The following PHLDB1 variants were observed in gnomAD, a reference collection of about 807,000 sequenced individuals.
The protein encoded by PHLDB1 is pleckstrin homology-like domain family B member 1.
PHLDB1 carries 65 observed loss-of-function variants against 139.3 expected under a neutral mutation model. That is an observed-to-expected ratio of 0.47 (90% confidence interval 0.38 to 0.57). The LOEUF is 0.57. PHLDB1 is among the 20% of genes least tolerant of loss of function. The probability of loss-of-function intolerance (pLI) is 0.00; values close to 1 mark genes in which losing one functional copy is unlikely to be tolerated. For missense variants in PHLDB1, 1,624 were observed against 1,839.7 expected (o/e 0.88, Z 2.14); for synonymous variants, 679 against 734.5 (o/e 0.92, Z 1.22).
intron 20 of PHLDB1, chr11:118,654,910 G>A (rs1312840338): frequency 6.6e-6 from 1 of 151,906 alleles, no homozygotes; most frequent in African/African-American, 2.4e-5. Flanking sequence ...TAGAGACGGG[G>A]TTTCACCATG....
chr11:118,645,347 C>G lies in PHLDB1; in HGVS notation c.3122-9C>G, dbSNP rs1271954224. ...AGCCCACTGTGACTCCCATCTGTCT[C>G]TCCTTCAGGACAACAAGTGATTGAA... On this transcript the variant is annotated splice_polypyrimidine_tract_variant and intron_variant, in intron 15 of 22. Coordinates refer to ENST00000600882, the MANE Select transcript of PHLDB1 (RefSeq NM_001144758.3). The surrounding 1 kb of genome is among the most constrained non-coding windows in gnomAD (Gnocchi z 5.1). 2 of 1,510,622 alleles carry G rather than the reference C, an allele frequency of 1.3e-6. No homozygotes were observed. Among genetic ancestry groups the G allele is most frequent in the African/African-American group, 2.8e-5 (2 of 71,610 alleles). The allele number at this position is 1,510,622 out of a possible 1,614,324, so 93.6% of individuals were successfully genotyped here.
intron 4 of PHLDB1, among the ~76,000 whole-genome samples, chr11:118,618,483 C>T (rs969002213): frequency 2.0e-5 from 3 of 152,036 alleles, no homozygotes; most frequent in Non-Finnish European, 4.4e-5. Context: ...TCTGTGTAAC[C>T]GGAGTGTGTT....
rs1944882463 is a variant in PHLDB1 at position 118,631,932 on chromosome 11, C to G, written c.2120C>G (p.Thr707Ser). The change falls in exon 8 of 23, where the codon ACC (threonine) becomes AGC (serine). Residue 707 changes from threonine to serine, a missense_variant. By Grantham distance (58) the Thr-to-Ser change is moderately conservative. Coordinates refer to ENST00000600882, the MANE Select transcript of PHLDB1 (RefSeq NM_001144758.3). ...CTCCAGCACGAAGATGCACCTAGCA[C>G]CAAGCTCCAGGGAGAGGTGCTAGCC... ...TQQEHEDAPSTKLQGEVLALE... is the reference protein window; with the variant it reads ...TQQEHEDAPSSKLQGEVLALE... 9.9e-6 allele frequency: 16 copies of G among 1,613,360 alleles called. No individual in the cohort carries two copies. Among genetic ancestry groups the G allele is most frequent in the Non-Finnish European group, 1.4e-5 (16 of 1,179,676 alleles).
At chr11:118,630,430 C>G (rs1555108938) in intron 6 of PHLDB1, among the ~76,000 whole-genome samples, 1 of 152,224 alleles carries the variant, frequency 6.6e-6, no homozygotes, top group Non-Finnish European at 1.5e-5. Context: ...TGCTGATAAA[C>G]AGCCAAGGGC....
rs961908209 is a variant in PHLDB1, at chr11:118,627,326, A to G, written c.503A>G (p.Asn168Ser). ...PVPAESESLVNGNHTPQTATR... is the reference protein window; with the variant it reads ...PVPAESESLVSGNHTPQTATR... The stretch of plus-strand genomic sequence containing the variant: ...CCAGCAGAATCAGAAAGTCTGGTAA[A>G]TGGGAACCACACCCCACAGACTGCA... The change falls in exon 6 of 23, where the codon AAT becomes AGT. Residue 168 changes from asparagine to serine, a missense_variant. Transcript: ENST00000600882. 1.9e-6 allele frequency: 3 copies of G among 1,613,592 alleles called. No homozygotes were observed. The African/African-American group carries it at 4.0e-5, about 22-fold the overall frequency.
At chr11:118,639,052 G>A in intron 11 of PHLDB1, 51 bp downstream of exon 11, 1 of 1,565,370 alleles carries the variant, frequency 6.4e-7, no homozygotes, top group South Asian at 1.1e-5. Flanking sequence ...TAAGTGGGAG[G>A]GGAGTGCAGA....
At position 118,632,991 on chromosome 11, in the gene PHLDB1, C is replaced by CTTTT; in HGVS notation, c.2379+707_2379+710dup. On this transcript the variant is annotated intron_variant, in intron 9 of 22. Transcript: ENST00000600882. The surrounding 1 kb of genome is among the most constrained non-coding windows in gnomAD (Gnocchi z 5.9). Reference sequence around the variant, plus strand: ...TGAGAATCTTAAAAATTCTTTGACCCTTTTTTTTTTTTTTTGGAGCTTTGG... The same window carrying CTTTT: ...TGAGAATCTTAAAAATTCTTTGACCCTTTTTTTTTTTTTTTTTTTGGAGCTTTGG... 5.6e-6 allele frequency: 1 copy of CTTTT among 178,574 alleles called. No individual in the cohort carries two copies. Among genetic ancestry groups the CTTTT allele is most frequent in the Non-Finnish European group, 1.0e-5 (1 of 100,352 alleles). The allele number at this position is 178,574 out of a possible 1,614,324, so 11.1% of individuals were successfully genotyped here.
At chr11:118,646,176 C>T (rs919535143) in intron 17 of PHLDB1, among the ~76,000 whole-genome samples, 2 of 135,264 alleles carry the variant, frequency 1.5e-5, no homozygotes, top group Non-Finnish European at 3.1e-5. Context: ...AGGAGAATGG[C>T]GTGAACCCGG....
intron 4 of PHLDB1, among the ~76,000 whole-genome samples, chr11:118,622,716 G>T (rs1180454616): frequency 2.0e-5 from 3 of 152,186 alleles, no homozygotes; most frequent in African/African-American, 7.2e-5. Context: ...TAGACCCTGT[G>T]AACTCATCAC....
chr11:118,613,956 TA>T (rs1252808123), intron 2 of PHLDB1, 60 bp downstream of exon 2: 18 of 1,081,204 alleles, frequency 1.7e-5, no homozygotes, highest in Non-Finnish European at 2.5e-5. Context: ...TCAGCTCTTC[TA>T]CCCCCTTGTG....
In PHLDB1 at chr11:118,657,986, T is replaced by G; in HGVS notation, c.*1163T>G. ...GCCCAGGCTGGGGGTTTTCAGTATT[T>G]GTAAGCATTTCAGCAGAACAATAAA... is the stretch of plus-strand genomic sequence containing the variant. On this transcript the variant is annotated 3_prime_UTR_variant, in exon 23 of 23. Coordinates refer to ENST00000600882, the MANE Select transcript of PHLDB1 (RefSeq NM_001144758.3). 1 of 365,584 alleles carries G rather than the reference T, an allele frequency of 2.7e-6. No individual in the cohort carries two copies. Among genetic ancestry groups the G allele is most frequent in the Non-Finnish European group, 5.0e-6 (1 of 199,560 alleles). The allele number at this position is 365,584 out of a possible 1,614,324, so 22.6% of individuals were successfully genotyped here. A position where few individuals can be genotyped will look rare whatever the true frequency, so the allele number is the denominator to read the frequency against.
At position 118,632,284 on chromosome 11, in the gene PHLDB1, G is replaced by A; in HGVS notation, c.2367G>A (p.Lys789=). 6.2e-7 allele frequency: 1 copy of A among 1,612,898 alleles called. No individual in the cohort carries two copies. The highest frequency in any genetic ancestry group is 8.5e-7 in the Non-Finnish European group (1 of 1,180,024). ...KLVALETGIQ[K]ERDKEAEALE... The stretch of plus-strand genomic sequence containing the variant: ...TGGCCTTGGAGACAGGCATCCAGAA[G>A]GAGAGGGACAAGGTAACCCACACCT... Residue 789 remains lysine, a synonymous_variant, in exon 9 of 23, where the codon AAG becomes AAA. Transcript: ENST00000600882. The surrounding 1 kb of genome is among the most constrained non-coding windows in gnomAD (Gnocchi z 5.9).
At chr11:118,629,968 G>A (rs1555108336) in intron 6 of PHLDB1, 17 of 1,275,622 alleles carry the variant, frequency 1.3e-5, no homozygotes, top group Non-Finnish European at 1.6e-5. Context: ...TGCTTATCTG[G>A]GTCCTGGGGC....
chr11:118,616,555 A>G (rs1941688075), intron 4 of PHLDB1, among the ~76,000 whole-genome samples: 1 of 152,196 alleles, frequency 6.6e-6, no homozygotes, highest in African/African-American at 2.4e-5. Context: ...AGAGGGTATC[A>G]ATGGCATTGT....
chr11:118,644,829 C>T, intron 15 of PHLDB1: 1 of 368,114 alleles, frequency 2.7e-6, no homozygotes, highest in Non-Finnish European at 5.0e-6. Flanking sequence ...CTGCTGGCCT[C>T]ACCCCTCCAG....
intron 22 of PHLDB1, among the ~76,000 whole-genome samples, chr11:118,656,277 T>G (rs1013628526): frequency 1.1e-4 from 17 of 152,172 alleles, no homozygotes; most frequent in Non-Finnish European, 2.4e-4. Context: ...TCCTGATCTC[T>G]GCTCCTCTGG....
chr11:118,635,105 A>G, intron 9 of PHLDB1: 1 of 549,870 alleles, frequency 1.8e-6, no homozygotes, highest in Admixed American at 2.6e-5. Flanking sequence ...CCCAGAAGGA[A>G]GAGAGGAGAG....
At chr11:118,623,375 A>G (rs1349371902) in intron 4 of PHLDB1, among the ~76,000 whole-genome samples, 1 of 152,160 alleles carries the variant, frequency 6.6e-6, no homozygotes, top group Non-Finnish European at 1.5e-5. Context: ...TCTGCTAGCT[A>G]CAGTTAGGCG....
chr11:118,628,049 C>G lies in PHLDB1; in HGVS notation c.1226C>G (p.Pro409Arg), dbSNP rs1347199553. ...CGCCCTCCCAGCCCTTTCCGTGAGC[C>G]TCCAGGCAGTGAGCGGGTGCTAACA... ...QDRPPSPFRE[P>R]PGSERVLTTS... The change falls in exon 6 of 23, where the codon CCT becomes CGT. Residue 409 changes from proline (P) to arginine (R), a missense_variant. Physicochemically the swap from Pro to Arg is moderately radical, Grantham distance 103 (BLOSUM62 -2). Coordinates refer to ENST00000600882, the MANE Select transcript of PHLDB1 (RefSeq NM_001144758.3). 3.1e-6 allele frequency: 5 copies of G among 1,613,876 alleles called. No individual in the cohort carries two copies. In the African/African-American group the frequency reaches 6.7e-5, roughly 22 times the overall value.
Sources: gnomAD v4.1 joint callset for allele counts (sites outside exome capture counted in the v4.1 genomes callset) on GRCh38, gnomAD v4.1.1 for gene constraint, Gnocchi (gnomAD v3.1) non-coding constraint, MANE v1.5 for transcripts, NCBI Gene and HGNC (gene_info 2026-07-23, HGNC 2026-07-21) for gene names.